CEACAM16: variants seen among roughly 807,000 people sequenced by gnomAD.
CEACAM16 encodes the protein cell adhesion molecule CEACAM16.
Under a neutral mutation model 39.4 loss-of-function variants are expected in CEACAM16, and 30 were observed. That is an observed-to-expected ratio of 0.76 (90% CI 0.57 to 1.03). The LOEUF (loss-of-function observed/expected upper bound fraction) is 1.03, where lower values mean the gene tolerates loss of function less well. Ranked by LOEUF, CEACAM16 falls within the 50% of genes least tolerant of loss-of-function variation. The pLI is 0.00. For missense variants in CEACAM16, 521 were observed against 585.3 expected, an observed-to-expected ratio of 0.89 and a Z score of 1.13; for synonymous variants, 262 against 264.9, an observed-to-expected ratio of 0.99 and a Z score of 0.11.
chr19:44,699,467 C>T (rs1974309887), intron 1 of CEACAM16: 1 of 466,540 alleles, frequency 2.1e-6, no homozygotes, highest in South Asian at 1.6e-5. Flanking sequence ...ACTCTTTTGC[C>T]CAGGGTTCAA....
At position 44,708,022 on chromosome 19, in the gene CEACAM16, G is replaced by A; in HGVS notation, c.1102G>A (p.Gly368Arg). Residue 368 changes from glycine to arginine, a missense_variant, in exon 6 of 7, where the codon GGA (glycine) becomes AGA (arginine). By Grantham distance (125) the Gly-to-Arg change is moderately radical. Coordinates refer to ENST00000587331, the MANE Select transcript of CEACAM16 (RefSeq NM_001039213.4). ...PNRLLSQLPS[G>R]TWIAGPAHTG... ...CCGGCTGCTCAGCCAGCTGCCGTCA[G>A]GAACCTGGATTGCAGGCCCCGCGCA... The A allele has an allele frequency of 1.2e-6, 2 of 1,611,870 alleles. No homozygotes were observed. The highest frequency in any genetic ancestry group is 1.1e-5 in the South Asian group (1 of 90,800).
chr19:44,699,368 G>A, intron 1 of CEACAM16, 108 bp downstream of exon 1: 1 of 500,796 alleles, frequency 2.0e-6, no homozygotes, highest in Non-Finnish European at 4.1e-6. Context: ...AGGCTTGGCA[G>A]AGTCCATAAA....
chr19:44,705,984 T>C (rs1198588855), intron 5 of CEACAM16, 116 bp downstream of exon 5: 1 of 1,250,434 alleles, frequency 8.0e-7, no homozygotes. Flanking sequence ...TCACAGTTCA[T>C]TCATGAGCTG....
intron 4 of CEACAM16, 98 bp downstream of exon 4, chr19:44,704,394 C>T (rs558734808): frequency 7.2e-7 from 1 of 1,384,130 alleles, no homozygotes; most frequent in Non-Finnish European, 9.5e-7. Flanking sequence ...CACAGCGAGT[C>T]AGCAGGCAAG....
intron 2 of CEACAM16, among the ~76,000 whole-genome samples, chr19:44,702,461 C>T (rs1233514820): frequency 2.0e-5 from 3 of 152,390 alleles, no homozygotes; most frequent in Admixed American, 6.5e-5. Flanking sequence ...TAGCCACACT[C>T]TAACAGCCTG....
At chr19:44,702,536 G>A (rs1171680753) in intron 2 of CEACAM16, among the ~76,000 whole-genome samples, 2 of 152,270 alleles carry the variant, frequency 1.3e-5, no homozygotes, top group Non-Finnish European at 2.9e-5. Context: ...ACAGCCGCCC[G>A]TTCCGGGCAT....
chr19:44,700,398 A>G (rs1375121441), intron 1 of CEACAM16, among the ~76,000 whole-genome samples: 2 of 151,916 alleles, frequency 1.3e-5, no homozygotes, highest in Non-Finnish European at 2.9e-5. Flanking sequence ...TCAGCCTCCC[A>G]AAGTGCTGGG....
chr19:44,706,562 C>T (rs966595728), intron 5 of CEACAM16, among the ~76,000 whole-genome samples: 5 of 152,148 alleles, frequency 3.3e-5, no homozygotes, highest in African/African-American at 9.7e-5. Flanking sequence ...GGGGAATGGT[C>T]GTTCCCTCCC....
At chr19:44,705,970 A>G in intron 5 of CEACAM16, 102 bp downstream of exon 5, 2 of 1,334,310 alleles carry the variant, frequency 1.5e-6, no homozygotes, top group South Asian at 2.7e-5. Flanking sequence ...GGAACATGGT[A>G]GATTCACAGT....
rs747360355 is a variant in CEACAM16 at position 44,703,475 on chromosome 19, C to T, written c.164C>T (p.Ala55Val). The T allele has an allele frequency of 6.6e-5, 107 of 1,613,810 alleles. No individual in the cohort carries two copies. The Middle Eastern group carries it at 2.3e-3, about 35-fold the overall frequency. Reference protein sequence around the residue: ...SGELLAYSWYAGPTLSVSYLV... With the variant: ...SGELLAYSWYVGPTLSVSYLV... Reference sequence around the variant, plus strand: ...GAACTGCTCGCCTACAGCTGGTATGCGGGGCCCACACTCAGCGTGTCATAC... The same window carrying T: ...GAACTGCTCGCCTACAGCTGGTATGTGGGGCCCACACTCAGCGTGTCATAC... The change falls in exon 3 of 7, where the codon GCG becomes GTG. Residue 55 changes from alanine (A) to valine (V), a missense_variant. By Grantham distance (64) the Ala-to-Val change is moderately conservative. Transcript: ENST00000587331.
At position 44,704,224 on chromosome 19, in the gene CEACAM16, G is replaced by A. The variant is rs367891074; in HGVS notation, c.589G>A (p.Gly197Ser). Residue 197 changes from glycine (G) to serine (S), a missense_variant, in exon 4 of 7, where the codon GGC (glycine) becomes AGC (serine). Gly to Ser is a moderately conservative substitution (Grantham distance 56). Transcript: ENST00000587331. ...ARHGIRREEA[G>S]AYQCEVWNPV... ...GCATGGCATCCGCCGGGAGGAGGCC[G>A]GCGCCTATCAGTGTGAGGTGTGGAA... 7.7e-5 allele frequency: 120 copies of A among 1,549,410 alleles called. No individual in the cohort carries two copies. The African/African-American group carries it at 1.0e-3, about 13-fold the overall frequency.
At chr19:44,707,816 C>A (rs935685152) in intron 5 of CEACAM16, 45 bp from the exon 6 acceptor site, 1 of 1,446,062 alleles carries the variant, frequency 6.9e-7, no homozygotes, top group African/African-American at 1.4e-5. Context: ...GGACACCATG[C>A]CAGATGCAGA....
chr19:44,706,345 G>A (rs911109628), intron 5 of CEACAM16, among the ~76,000 whole-genome samples: 1 of 151,626 alleles, frequency 6.6e-6, no homozygotes, highest in Non-Finnish European at 1.5e-5. Context: ...CTGGCAAATG[G>A]AGAAACAGCT....
rs752473294 is a variant in CEACAM16, at chr19:44,708,034, G to A, written c.1114G>A (p.Ala372Thr). ...LSQLPSGTWI[A>T]GPAHTGREVG... ...CCAGCTGCCGTCAGGAACCTGGATT[G>A]CAGGCCCCGCGCACACAGGCCGGGA... The change falls in exon 6 of 7, where the codon GCA (alanine) becomes ACA (threonine). Residue 372 changes from alanine (A) to threonine (T), a missense_variant. Transcript: ENST00000587331. The A allele has an allele frequency of 1.2e-6, 2 of 1,612,210 alleles. No individual in the cohort carries two copies. The highest frequency in any genetic ancestry group is 3.3e-5 in the Admixed American group (2 of 59,870).
At chr19:44,703,297 G>C (rs1376595497) in intron 2 of CEACAM16, 52 bp from the exon 3 acceptor site, 10 of 1,504,260 alleles carry the variant, frequency 6.6e-6, no homozygotes, top group African/African-American at 1.4e-5. Context: ...CTGTCAAATG[G>C]GGCGATTGAT....
chr19:44,700,024 G>T (rs774235796), intron 1 of CEACAM16, among the ~76,000 whole-genome samples: 1 of 151,866 alleles, frequency 6.6e-6, no homozygotes, highest in Non-Finnish European at 1.5e-5. Flanking sequence ...TTTGTTTTTT[G>T]AGATAGAGTC....
In CEACAM16 at chr19:44,703,339, T is replaced by A. The variant is rs779563295; in HGVS notation, c.38-10T>A. The A allele has an allele frequency of 3.3e-5, 53 of 1,604,426 alleles. No homozygotes were observed. The highest frequency in any genetic ancestry group is 4.3e-5 in the Non-Finnish European group (50 of 1,173,260). On this transcript the variant is annotated splice_polypyrimidine_tract_variant and intron_variant, in intron 2 of 6. Transcript: ENST00000587331. ...TGCCTCATCCAACCCCTCTGACTCC[T>A]CTTCCTCAGCCACATTCCTGAATGT...
rs185329857 is a variant in CEACAM16 at position 44,701,462 on chromosome 19, G to A, written c.6G>A (p.Ala2=). The change falls in exon 2 of 7, where the codon GCG becomes GCA. Residue 2 remains alanine, a synonymous_variant. Coordinates refer to ENST00000587331, the MANE Select transcript of CEACAM16 (RefSeq NM_001039213.4). The surrounding 1 kb of genome is among the most constrained non-coding windows in gnomAD (Gnocchi z 4.0). ...GACTCGGTTTGGGGTGAAAGATGGC[G>A]CTGACTGGGTACAGCTGGCTGCTCC... M[A]LTGYSWLLLS... 60 of 1,565,272 alleles carry A rather than the reference G, an allele frequency of 3.8e-5. No homozygotes were observed. The highest frequency in any genetic ancestry group is 6.8e-5 in the African/African-American group (5 of 73,760).
chr19:44,703,760 T>C, intron 3 of CEACAM16, 67 bp downstream of exon 3: 1 of 1,216,160 alleles, frequency 8.2e-7, no homozygotes, highest in Non-Finnish European at 1.1e-6. Context: ...CAATCCTTCT[T>C]TTTTTTAAAA....
Sources: allele counts gnomAD v4.1 joint callset (sites outside exome capture counted in the v4.1 genomes callset), GRCh38; gene constraint gnomAD v4.1.1; non-coding constraint Gnocchi (gnomAD v3.1); transcripts MANE v1.5; gene names NCBI Gene and HGNC (gene_info 2026-07-23, HGNC 2026-07-21).